GPER1: variants seen among roughly 807,000 people sequenced by gnomAD.
GPER1 encodes the protein G protein-coupled receptor 30.
In GPER1, 2 loss-of-function variants were observed where a neutral mutation model predicts 0.6. That is an observed-to-expected ratio of 3.41 (90% CI 1.39 to 10.72). The LOEUF is 10.72. Among genes scored for constraint, GPER1 ranks in the 30% most tolerant of loss-of-function variants. The pLI, the probability that GPER1 is intolerant of heterozygous loss-of-function variation, is 0.04. For missense variants in GPER1, 441 were observed against 535.2 expected (o/e 0.82, Z 1.74); for synonymous variants, 263 against 247.6 (o/e 1.06, Z -0.58).
chr7:1,089,707 CTTTT>C (rs71020574), intron 1 of GPER1, among the ~76,000 whole-genome samples: 1 of 124,176 alleles, frequency 8.1e-6, no homozygotes, highest in Non-Finnish European at 1.7e-5. Context: ...ATAGGCCAGC[CTTTT>C]TTTTTTTTTT....
rs1481765813 is a variant in GPER1 at position 1,093,681 on chromosome 7, A to G, written c.*825A>G. 6.4e-6 allele frequency: 3 copies of G among 469,600 alleles called. No individual in the cohort carries two copies. The highest frequency in any genetic ancestry group is 3.3e-4 in the Middle Eastern group (1 of 3,070). The allele number at this position is 469,600 out of a possible 1,614,324, so 29.1% of individuals were successfully genotyped here. A position where few individuals can be genotyped will look rare whatever the true frequency, so the allele number is the denominator to read the frequency against. Reference sequence around the variant, plus strand: ...AATACTCCAGCACCTGTGGCTGACGAATTTGTTTCTACAGAAATAACAGCT... The same window carrying G: ...AATACTCCAGCACCTGTGGCTGACGGATTTGTTTCTACAGAAATAACAGCT... On this transcript the variant is annotated 3_prime_UTR_variant, in exon 2 of 2. Coordinates refer to ENST00000397088, the MANE Select transcript of GPER1 (RefSeq NM_001098201.3).
chr7:1,089,077 G>A (rs1213968212), intron 1 of GPER1, among the ~76,000 whole-genome samples: 3 of 152,078 alleles, frequency 2.0e-5, no homozygotes, highest in Non-Finnish European at 4.4e-5. Flanking sequence ...TTCCTGCCAC[G>A]CCACGGTCTA....
At chr7:1,090,710 C>T (rs1334251660) in intron 1 of GPER1, among the ~76,000 whole-genome samples, 1 of 152,266 alleles carries the variant, frequency 6.6e-6, no homozygotes, top group African/African-American at 2.4e-5. Flanking sequence ...AGAGGATAAG[C>T]TCGGGAGGGA....
Position 1,092,881 on chromosome 7 carries a change from C to G in GPER1, c.*25C>G, listed in dbSNP as rs746767126. On this transcript the variant is annotated 3_prime_UTR_variant, in exon 2 of 2. Transcript: ENST00000397088. ...GACAGCCTTGGCCGCATAGGCCCAG[C>G]CAGGGTGTGACTCGGGAGCTGCACA... 1.2e-6 allele frequency: 2 copies of G among 1,600,890 alleles called. No individual in the cohort carries two copies. Among genetic ancestry groups the G allele is most frequent in the East Asian group, 4.5e-5 (2 of 44,700 alleles).
chr7:1,093,183 A>T lies in GPER1; in HGVS notation c.*327A>T. 1 of 549,294 alleles carries T rather than the reference A, an allele frequency of 1.8e-6. No homozygotes were observed. The allele number at this position is 549,294 out of a possible 1,614,324, so 34.0% of individuals were successfully genotyped here. A position where few individuals can be genotyped will look rare whatever the true frequency, so the allele number is the denominator to read the frequency against. ...GCTGCACCTGCCTGCCGCTGCAGGA[A>T]ACATTTCTGACACCGTCGACCAGGA... On this transcript the variant is annotated 3_prime_UTR_variant, in exon 2 of 2. Coordinates refer to ENST00000397088, the MANE Select transcript of GPER1 (RefSeq NM_001098201.3).
Position 1,092,591 on chromosome 7 carries a change from A to C in GPER1, c.863A>C (p.Gln288Pro), listed in dbSNP as rs370671788. ...AGCGTGCACCTCCTGCAGCGGACGC[A>C]GCCTGGGGCCGCTCCCTGCAAGCAG... is the stretch of plus-strand genomic sequence containing the variant. ...FISVHLLQRT[Q>P]PGAAPCKQSF... The change falls in exon 2 of 2, where the codon CAG becomes CCG. Residue 288 changes from glutamine to proline, a missense_variant. Transcript: ENST00000397088. 4 of 1,611,398 alleles carry C rather than the reference A, an allele frequency of 2.5e-6. No homozygotes were observed. The highest frequency in any genetic ancestry group is 1.6e-4 in the Middle Eastern group (1 of 6,084).
chr7:1,091,984 A>C lies in GPER1; in HGVS notation c.256A>C (p.Ser86Arg), dbSNP rs1360036450. 2 of 1,614,100 alleles carry C rather than the reference A, an allele frequency of 1.2e-6. No individual in the cohort carries two copies. The highest frequency in any genetic ancestry group is 8.5e-7 in the Non-Finnish European group (1 of 1,180,020). ...GNILILVVNI[S>R]FREKMTIPDL... ...CATCCTGATCCTGGTGGTGAACATC[A>C]GCTTCCGCGAGAAGATGACCATCCC... Residue 86 changes from serine (S) to arginine (R), a missense_variant, in exon 2 of 2, where the codon AGC (serine) becomes CGC (arginine). By Grantham distance (110) the Ser-to-Arg change is moderately radical (BLOSUM62 -1). Coordinates refer to ENST00000397088, the MANE Select transcript of GPER1 (RefSeq NM_001098201.3).
chr7:1,090,503 G>A (rs1224405188), intron 1 of GPER1, among the ~76,000 whole-genome samples: 2 of 151,722 alleles, frequency 1.3e-5, no homozygotes, highest in East Asian at 3.9e-4. Context: ...CCCCACTGGC[G>A]GCAGAGCCGG....
Position 1,091,717 on chromosome 7 carries a change from C to G in GPER1, c.-12C>G, listed in dbSNP as rs368800854. The G allele has an allele frequency of 6.0e-6, 9 of 1,507,824 alleles. No homozygotes were observed. Among genetic ancestry groups the G allele is most frequent in the Non-Finnish European group, 8.0e-6 (9 of 1,125,536 alleles). 93.4% of individuals were successfully genotyped at this position (1,507,824 alleles called of 1,614,324 possible). A position where few individuals can be genotyped will look rare whatever the true frequency, so the allele number is the denominator to read the frequency against. The stretch of plus-strand genomic sequence containing the variant: ...CTTTCGGCAAATCTTGAAAGCTGCA[C>G]GGTGCAGAGACATGGATGTGACTTC... On this transcript the variant is annotated 5_prime_UTR_variant, in exon 2 of 2. Transcript: ENST00000397088.
rs1366315892 is a variant in GPER1 at position 1,092,879 on chromosome 7, A to G, written c.*23A>G. ...TAGACAGCCTTGGCCGCATAGGCCC[A>G]GCCAGGGTGTGACTCGGGAGCTGCA... On this transcript the variant is annotated 3_prime_UTR_variant, in exon 2 of 2. Coordinates refer to ENST00000397088, the MANE Select transcript of GPER1 (RefSeq NM_001098201.3). 4 of 1,604,942 alleles carry G rather than the reference A, an allele frequency of 2.5e-6. No homozygotes were observed. The highest frequency in any genetic ancestry group is 1.3e-5 in the African/African-American group (1 of 74,782).
At position 1,093,511 on chromosome 7, in the gene GPER1, A is replaced by G; in HGVS notation, c.*655A>G. Reference sequence around the variant, plus strand: ...GGAGCAGCAGCGCTCGGCCCGGAGCAGCAGGAAGGCCCCTCTGTGGAGCGC... The same window carrying G: ...GGAGCAGCAGCGCTCGGCCCGGAGCGGCAGGAAGGCCCCTCTGTGGAGCGC... On this transcript the variant is annotated 3_prime_UTR_variant, in exon 2 of 2. Coordinates refer to ENST00000397088, the MANE Select transcript of GPER1 (RefSeq NM_001098201.3). The G allele has an allele frequency of 2.1e-6, 1 of 470,852 alleles. No homozygotes were observed. The highest frequency in any genetic ancestry group is 4.4e-6 in the Non-Finnish European group (1 of 227,052). 29.2% of individuals were successfully genotyped at this position (470,852 alleles called of 1,614,324 possible).
chr7:1,090,754 C>T (rs1370135397), intron 1 of GPER1, among the ~76,000 whole-genome samples: 1 of 152,248 alleles, frequency 6.6e-6, no homozygotes, highest in Non-Finnish European at 1.5e-5. Context: ...AGGTTACAAA[C>T]AGCATTGCAA....
In GPER1 at chr7:1,093,271, T is replaced by C. The variant is rs1788212012; in HGVS notation, c.*415T>C. 1 of 442,746 alleles carries C rather than the reference T, an allele frequency of 2.3e-6. No individual in the cohort carries two copies. Among genetic ancestry groups the C allele is most frequent in the Non-Finnish European group, 4.7e-6 (1 of 211,826 alleles). The allele number at this position is 442,746 out of a possible 1,614,324, so 27.4% of individuals were successfully genotyped here. On this transcript the variant is annotated 3_prime_UTR_variant, in exon 2 of 2. Coordinates refer to ENST00000397088, the MANE Select transcript of GPER1 (RefSeq NM_001098201.3). The stretch of plus-strand genomic sequence containing the variant: ...AGTTACACAGGAACCCTAAAGCAAA[T>C]CTGCCACCGTGGGGGAACTGACGCT...
Position 1,093,681 on chromosome 7 carries a change from A to C in GPER1, c.*825A>C, listed in dbSNP as rs1481765813. On this transcript the variant is annotated 3_prime_UTR_variant, in exon 2 of 2. Transcript: ENST00000397088. ...AATACTCCAGCACCTGTGGCTGACG[A>C]ATTTGTTTCTACAGAAATAACAGCT... The C allele has an allele frequency of 1.1e-5, 5 of 469,600 alleles. No individual in the cohort carries two copies. Among genetic ancestry groups the C allele is most frequent in the Middle Eastern group, 6.5e-4 (2 of 3,070 alleles). The allele number at this position is 469,600 out of a possible 1,614,324, so 29.1% of individuals were successfully genotyped here.
Position 1,088,162 on chromosome 7 carries a change from C to T in GPER1, c.-482C>T, listed in dbSNP as rs1377396956. 2 of 152,276 alleles carry T rather than the reference C, an allele frequency of 1.3e-5. No individual in the cohort carries two copies. Among genetic ancestry groups the T allele is most frequent in the Non-Finnish European group, 2.9e-5 (2 of 68,082 alleles). The allele number at this position is 152,276 out of a possible 1,614,324, so 9.4% of individuals were successfully genotyped here. On this transcript the variant is annotated 5_prime_UTR_variant, in exon 1 of 2. Transcript: ENST00000397088. This position sits in a 1 kb window ranked among gnomAD's most constrained non-coding sequence, Gnocchi z 4.5. Reference sequence around the variant, plus strand: ...CGCCAGCCAGCCGGGAACCTTCCCTCGCGGGCTCCCAGGGCGGGTCTCTTC... The same window carrying T: ...CGCCAGCCAGCCGGGAACCTTCCCTTGCGGGCTCCCAGGGCGGGTCTCTTC...
At position 1,092,425 on chromosome 7, in the gene GPER1, TGCTACTCCCTC is replaced by T; in HGVS notation, c.698_708del (p.Cys233TyrfsTer104). The T allele has an allele frequency of 6.2e-7, 1 of 1,609,150 alleles. No homozygotes were observed. Among genetic ancestry groups the T allele is most frequent in the South Asian group, 1.1e-5 (1 of 90,952 alleles). ...CGTGCCCTTCGCCATCATCGGCCTG[TGCTACTCCCTC>T]ATTGTCCGGGTGCTGGTCAGGGCGC... On this transcript the variant is annotated frameshift_variant, in exon 2 of 2. Coordinates refer to ENST00000397088, the MANE Select transcript of GPER1 (RefSeq NM_001098201.3). LOFTEE classifies it high-confidence loss of function.
rs1253172720 is a variant in GPER1 at position 1,088,281 on chromosome 7, C to T, written c.-363C>T. 3.3e-5 allele frequency: 5 copies of T among 152,384 alleles called. No individual in the cohort carries two copies. The highest frequency in any genetic ancestry group is 3.3e-4 in the Admixed American group (5 of 15,292). 9.4% of individuals were successfully genotyped at this position (152,384 alleles called of 1,614,324 possible). A position where few individuals can be genotyped will look rare whatever the true frequency, so the allele number is the denominator to read the frequency against. On this transcript the variant is annotated 5_prime_UTR_variant, in exon 1 of 2. Transcript: ENST00000397088. This position sits in a 1 kb window ranked among gnomAD's most constrained non-coding sequence, Gnocchi z 4.5. ...TGCACCTCCAGCCTGATGGGCCTGA[C>T]CAAGGAGGCTTCCAGGAGCACAGAA... is the stretch of plus-strand genomic sequence containing the variant.
chr7:1,088,922 C>T lies in GPER1; in HGVS notation c.-323+601C>T, dbSNP rs1490414070. Among the ~76,000 whole-genome samples the T allele has an allele frequency of 1.3e-5, 2 of 151,990 alleles. No homozygotes were observed. Among genetic ancestry groups the T allele is most frequent in the Non-Finnish European group, 2.9e-5 (2 of 68,010 alleles). ...TCAGACACCAGGTCCCGTATCTTCTCGGTGTCTGGCAACGATCAAAAGACT... is the reference window on the plus strand; with the variant it reads ...TCAGACACCAGGTCCCGTATCTTCTTGGTGTCTGGCAACGATCAAAAGACT... On this transcript the variant is annotated intron_variant, in intron 1 of 1. Transcript: ENST00000397088. This position sits in a 1 kb window ranked among gnomAD's most constrained non-coding sequence, Gnocchi z 4.5.
chr7:1,091,505 C>G lies in GPER1; in HGVS notation c.-224C>G, dbSNP rs74871253. The G allele has an allele frequency of 0.054, 28,295 of 527,840 alleles. 1,018 individuals are homozygous for G. The highest frequency in any genetic ancestry group is 0.085 in the Middle Eastern group (176 of 2,066). 32.7% of individuals were successfully genotyped at this position (527,840 alleles called of 1,614,324 possible). On this transcript the variant is annotated 5_prime_UTR_variant, in exon 2 of 2. Transcript: ENST00000397088. The stretch of plus-strand genomic sequence containing the variant: ...AGCACGCGGAGGGCCCTCGCCTCCA[C>G]GGATGCACCATGCCGGTGTGAGGAG...
Sources: gnomAD v4.1 joint callset for allele counts (sites outside exome capture counted in the v4.1 genomes callset) on GRCh38, gnomAD v4.1.1 for gene constraint, Gnocchi (gnomAD v3.1) non-coding constraint, MANE v1.5 for transcripts, NCBI Gene and HGNC (gene_info 2026-07-23, HGNC 2026-07-21) for gene names.